Variants in SPTB observed in about 807,000 individuals in gnomAD.
SPTB encodes spectrin beta, erythrocytic, also known as spectrin beta chain, erythrocytic.
Under a neutral mutation model 256.2 loss-of-function variants are expected in SPTB, and 45 were observed. That is an observed-to-expected ratio of 0.18 (90% CI 0.14 to 0.23). SPTB has a LOEUF of 0.23. SPTB is among the 10% of genes least tolerant of loss of function. SPTB has a pLI of 1.00. For synonymous variants in SPTB, 1,231 were observed against 1,243.1 expected, an observed-to-expected ratio of 0.99 and a Z score of 0.21; for missense variants, 2,715 against 3,040.4, an observed-to-expected ratio of 0.89 and a Z score of 2.52.
chr14:64,800,654 G>T (rs1016334242), intron 8 of SPTB, 102 bp downstream of exon 8: 1 of 1,013,560 alleles, frequency 9.9e-7, no homozygotes, highest in Non-Finnish European at 1.5e-6. Context: ...GGGGGTGGGT[G>T]AGCTGTACTC....
chr14:64,808,460 G>A (rs1356138601), intron 2 of SPTB, among the ~76,000 whole-genome samples: 22 of 152,136 alleles, frequency 1.4e-4, no homozygotes, highest in Admixed American at 1.4e-3. Context: ...TGGGTGACCT[G>A]AAACCCTTCA....
chr14:64,863,203 G>A (rs1881961205), intron 1 of SPTB, among the ~76,000 whole-genome samples: 2 of 152,130 alleles, frequency 1.3e-5, no homozygotes, highest in South Asian at 4.1e-4. Flanking sequence ...TTGGCTTCCT[G>A]TAGACCAGGG....
In SPTB at chr14:64,749,852, T is replaced by G; in HGVS notation, c.6776+129A>C. 1 of 1,499,394 alleles carries G rather than the reference T, an allele frequency of 6.7e-7. No homozygotes were observed. Among genetic ancestry groups the G allele is most frequent in the Non-Finnish European group, 9.2e-7 (1 of 1,083,638 alleles). The allele number at this position is 1,499,394 out of a possible 1,614,324, so 92.9% of individuals were successfully genotyped here. A position where few individuals can be genotyped will look rare whatever the true frequency, so the allele number is the denominator to read the frequency against. On this transcript the variant is annotated intron_variant, in intron 34 of 35. Coordinates refer to ENST00000644917, the MANE Select transcript of SPTB (RefSeq NM_001355436.2). This position sits in a 1 kb window ranked among gnomAD's most constrained non-coding sequence, Gnocchi z 4.7. ...GAGGTCAAAGTCTGGACCATCAGCC[T>G]CTTTGATTTGAAAAACCCCTGAGGA...
At position 64,787,099 on chromosome 14, in the gene SPTB, C is replaced by T. The variant is rs2082585414; in HGVS notation, c.2866G>A (p.Val956Met). ...TCGCAATCTACGCAGTAGTTGTGCACTCGGAGGGCTGAGTCCACAGCCTCC... is the reference window on the plus strand; with the variant it reads ...TCGCAATCTACGCAGTAGTTGTGCATTCGGAGGGCTGAGTCCACAGCCTCC... ...RREAVDSALR[V>M]HNYCVDCEET... The change falls in exon 16 of 36, where the codon GTG (valine) becomes ATG (methionine). Residue 956 changes from valine to methionine, a missense_variant. Physicochemically the swap from Val to Met is conservative, Grantham distance 21 (BLOSUM62 1). Around this residue, in one of 4 missense-constraint regions of SPTB, gnomAD observed 2,239 missense variants for 2,384.4 expected, o/e 0.94. Coordinates refer to ENST00000644917, the MANE Select transcript of SPTB (RefSeq NM_001355436.2). 3 of 1,610,132 alleles carry T rather than the reference C, an allele frequency of 1.9e-6. No individual in the cohort carries two copies. The highest frequency in any genetic ancestry group is 1.6e-4 in the Middle Eastern group (1 of 6,062).
At chr14:64,817,976 A>G (rs2083222500) in intron 2 of SPTB, among the ~76,000 whole-genome samples, 1 of 152,214 alleles carries the variant, frequency 6.6e-6, no homozygotes, top group Non-Finnish European at 1.5e-5. Flanking sequence ...GCTGTAGTGC[A>G]CCTGCTGTCC....
At chr14:64,776,919 C>G (rs961122270) in intron 22 of SPTB, among the ~76,000 whole-genome samples, 1 of 152,174 alleles carries the variant, frequency 6.6e-6, no homozygotes, top group African/African-American at 2.4e-5. Context: ...AAATGAAAAT[C>G]CCTGCACTTT....
intron 1 of SPTB, among the ~76,000 whole-genome samples, chr14:64,833,839 G>A (rs2083483257): frequency 6.6e-6 from 1 of 152,160 alleles, no homozygotes; most frequent in Admixed American, 6.5e-5. Flanking sequence ...ACTGAGAAAT[G>A]CAGAGTGCTG....
At position 64,749,231 on chromosome 14, in the gene SPTB, G is replaced by A. The variant is rs559973555; in HGVS notation, c.*75C>T. 201 of 1,507,020 alleles carry A rather than the reference G, an allele frequency of 1.3e-4. No homozygotes were observed. The highest frequency in any genetic ancestry group is 9.2e-4 in the Middle Eastern group (5 of 5,410). 93.4% of individuals were successfully genotyped at this position (1,507,020 alleles called of 1,614,324 possible). On this transcript the variant is annotated 3_prime_UTR_variant, in exon 36 of 36. Transcript: ENST00000644917. The surrounding 1 kb of genome is among the most constrained non-coding windows in gnomAD (Gnocchi z 4.7). Reference sequence around the variant, plus strand: ...CATCTCGATTCGACCGGCGGGCGGCGGCGAGAGGAGGCCAAGGCCTGGGCT... The same window carrying A: ...CATCTCGATTCGACCGGCGGGCGGCAGCGAGAGGAGGCCAAGGCCTGGGCT...
chr14:64,830,734 C>T (rs941287801), intron 1 of SPTB, among the ~76,000 whole-genome samples: 4 of 152,248 alleles, frequency 2.6e-5, no homozygotes, highest in Non-Finnish European at 2.9e-5. Context: ...TGCTGACACA[C>T]CCCTACCCTG....
Position 64,801,274 on chromosome 14 carries a change from G to A in SPTB, c.763+11C>T. The A allele has an allele frequency of 6.2e-7, 1 of 1,607,226 alleles. No individual in the cohort carries two copies. Among genetic ancestry groups the A allele is most frequent in the South Asian group, 1.1e-5 (1 of 90,952 alleles). ...CTGCAGCAAAGGCTGGCAGGGGTGG[G>A]TGTGGCTCACCTTCGGGGTCGAGGA... On this transcript the variant is annotated intron_variant, in intron 7 of 35. Coordinates refer to ENST00000644917, the MANE Select transcript of SPTB (RefSeq NM_001355436.2).
At chr14:64,858,379 A>G (rs932419196) in intron 1 of SPTB, among the ~76,000 whole-genome samples, 2 of 152,186 alleles carry the variant, frequency 1.3e-5, no homozygotes, top group African/African-American at 4.8e-5. Flanking sequence ...TGCAGAGATG[A>G]TAGGTGAAGG....
At chr14:64,752,467 G>A (rs565015047) in intron 33 of SPTB, among the ~76,000 whole-genome samples, 1 of 152,304 alleles carries the variant, frequency 6.6e-6, no homozygotes, top group East Asian at 1.9e-4. Flanking sequence ...CTTTCCTCTG[G>A]CAGAAAGGCA....
chr14:64,851,217 G>C (rs1594842688), intron 1 of SPTB, among the ~76,000 whole-genome samples: 1 of 152,230 alleles, frequency 6.6e-6, no homozygotes, highest in African/African-American at 2.4e-5. Flanking sequence ...CAAGGATTAA[G>C]AGGCAGGGCT....
chr14:64,805,747 G>A (rs532492213), intron 2 of SPTB, among the ~76,000 whole-genome samples: 132 of 152,318 alleles, frequency 8.7e-4, no homozygotes, highest in South Asian at 1.5e-3. Context: ...TGGCAGCGCT[G>A]TGCTAGGCCT....
intron 1 of SPTB, among the ~76,000 whole-genome samples, chr14:64,840,406 G>A (rs534343709): frequency 1.3e-5 from 2 of 152,308 alleles, no homozygotes; most frequent in Admixed American, 6.5e-5. Context: ...TTAGATTCAC[G>A]CTTTAAAGGT....
chr14:64,779,418 T>C lies in SPTB; in HGVS notation c.4474-172A>G, dbSNP rs1433879966. 6.6e-6 allele frequency among the ~76,000 whole-genome samples: 1 copy of C among 152,224 alleles called. No homozygotes were observed. The highest frequency in any genetic ancestry group is 1.5e-5 in the Non-Finnish European group (1 of 68,034). On this transcript the variant is annotated intron_variant, in intron 21 of 35. Transcript: ENST00000644917. This position sits in a 1 kb window ranked among gnomAD's most constrained non-coding sequence, Gnocchi z 4.2. ...GTTAGAATATTTGGGGATTTTGAAC[T>C]GAGGTTCCAAATAACTTGCTCCTAG...
In SPTB at chr14:64,824,276, G is replaced by A. The variant is rs182757301; in HGVS notation, c.-51-1131C>T. 1.3e-5 allele frequency among the ~76,000 whole-genome samples: 2 copies of A among 152,248 alleles called. No individual in the cohort carries two copies. The highest frequency in any genetic ancestry group is 2.9e-5 in the Non-Finnish European group (2 of 68,022). Reference sequence around the variant, plus strand: ...GGAGGTACCCATGAAGGGACAGGTGGGAAAGGACAAGAGTCCAAGCAAAGG... The same window carrying A: ...GGAGGTACCCATGAAGGGACAGGTGAGAAAGGACAAGAGTCCAAGCAAAGG... On this transcript the variant is annotated intron_variant, in intron 1 of 35. Coordinates refer to ENST00000644917, the MANE Select transcript of SPTB (RefSeq NM_001355436.2). The surrounding 1 kb of genome is among the most constrained non-coding windows in gnomAD (Gnocchi z 5.7).
At chr14:64,869,389 ACT>A (rs1296121414) in intron 1 of SPTB, among the ~76,000 whole-genome samples, 1 of 152,036 alleles carries the variant, frequency 6.6e-6, no homozygotes, top group Non-Finnish European at 1.5e-5. Flanking sequence ...TGAGCTCCAC[ACT>A]CTAACCAACT....
At position 64,810,387 on chromosome 14, in the gene SPTB, AC is replaced by A. The variant is rs577175606; in HGVS notation, c.149-5298del. ...ATGTAAAAAATGAAACTATAAAAAT[AC>A]CAAAATCAGGCTGGGCGTGGTGGCT... On this transcript the variant is annotated intron_variant, in intron 2 of 35. Transcript: ENST00000644917. Among the ~76,000 whole-genome samples the A allele has an allele frequency of 3.1e-4, 47 of 152,312 alleles. No individual in the cohort carries two copies. In the South Asian group the frequency reaches 4.4e-3, roughly 14 times the overall value.
Sources: gnomAD v4.1 joint callset for allele counts (sites outside exome capture counted in the v4.1 genomes callset) on GRCh38, gnomAD v4.1.1 for gene constraint, gnomAD v4.1.1 regional missense constraint, Gnocchi (gnomAD v3.1) non-coding constraint, MANE v1.5 for transcripts, NCBI Gene and HGNC (gene_info 2026-07-23, HGNC 2026-07-21) for gene names.